MAGT1: variants seen among roughly 807,000 people sequenced by gnomAD.
MAGT1 encodes the protein magnesium transporter 1, also known as dolichyl-diphosphooligosaccharide--protein glycosyltransferase subunit MAGT1.
A neutral mutation model predicts 28.4 loss-of-function variants in MAGT1; 4 were observed. The observed-to-expected ratio is 0.14, with a 90% CI of 0.07 to 0.32. The LOEUF is 0.32. MAGT1 is among the 10% of genes least tolerant of loss of function. The pLI, the probability that MAGT1 is intolerant of heterozygous loss-of-function variation, is 1.00. For missense variants in MAGT1, 193 were observed against 264.5 expected (o/e 0.73, Z 1.88); for synonymous variants, 89 against 89.7 (o/e 0.99, Z 0.04).
At chrX:77,831,322 G>GATATGT (rs2076898143) in intron 8 of MAGT1, among the ~76,000 whole-genome samples, 1 of 110,914 alleles carries the variant, frequency 9.0e-6, no homozygotes, top group Non-Finnish European at 1.9e-5. Context: ...CGGCCTGGCA[G>GATATGT]TCTATACTTT....
chrX:77,874,488 C>T (rs1405104862), intron 2 of MAGT1, among the ~76,000 whole-genome samples: 3 of 105,196 alleles, frequency 2.9e-5, no homozygotes, highest in African/African-American at 6.9e-5. Flanking sequence ...ATCAGCTACT[C>T]GGGAGGCTGA....
At chrX:77,839,303 TAAC>T (rs201726756) in intron 8 of MAGT1, among the ~76,000 whole-genome samples, 213 of 105,418 alleles carry the variant, frequency 2.0e-3, no homozygotes, top group Non-Finnish European at 3.0e-3. Context: ...GACTCTGTCT[TAAC>T]AACAACAACA....
chrX:77,895,355 A>G lies in MAGT1; in HGVS notation c.56T>C (p.Leu19Pro). 8.2e-6 allele frequency: 10 copies of G among 1,212,132 alleles called. No individual in the cohort carries two copies. The highest frequency in any genetic ancestry group is 1.8e-5 in the South Asian group (1 of 57,010). The change falls in exon 1 of 10, where the codon CTC (leucine) becomes CCC (proline). Residue 19 changes from leucine to proline, a missense_variant. By Grantham distance (98) the Leu-to-Pro change is moderately conservative. Transcript: ENST00000618282. ...GGCTGAGGGAACGTCGCAAACGATG[A>G]GCAGCGCCACCACCATGGTCACAGA... is the stretch of plus-strand genomic sequence containing the variant. ...CVSVTMVVAL[L>P]IVCDVPSASA...
rs1557216086 is a variant in MAGT1, at chrX:77,857,338, A to G, written c.531+19T>C. ...GGGGATAATGGCCAAGAAACAGTCT[A>G]CATAGTTGGGAAACTTACATTGACA... On this transcript the variant is annotated intron_variant, in intron 4 of 9. Coordinates refer to ENST00000618282, the MANE Select transcript of MAGT1 (RefSeq NM_001367916.1). 7.4e-6 allele frequency: 9 copies of G among 1,211,331 alleles called. No individual in the cohort carries two copies. The South Asian group carries it at 1.1e-4, about 14-fold the overall frequency.
In MAGT1 at chrX:77,880,085, C is replaced by T. The variant is rs781784130; in HGVS notation, c.103-4488G>A. 1.0e-4 allele frequency among the ~76,000 whole-genome samples: 11 copies of T among 104,846 alleles called. No individual in the cohort carries two copies. The South Asian group carries it at 2.7e-3, about 26-fold the overall frequency. 91.0% of individuals were successfully genotyped at this position (104,846 alleles called of 115,157 possible). A position where few individuals can be genotyped will look rare whatever the true frequency, so the allele number is the denominator to read the frequency against. On this transcript the variant is annotated intron_variant, in intron 1 of 9. Coordinates refer to ENST00000618282, the MANE Select transcript of MAGT1 (RefSeq NM_001367916.1). ...AACTCCTGGCCTCAAATGATCCACC[C>T]GCCTCAGCCTCCCAAAGTGCTGGGA...
At chrX:77,834,903 C>T (rs1329344594) in intron 8 of MAGT1, among the ~76,000 whole-genome samples, 2 of 109,587 alleles carry the variant, frequency 1.8e-5, no homozygotes, top group Non-Finnish European at 3.8e-5. Flanking sequence ...ATAAAAGGAG[C>T]TCAAACAACT....
At chrX:77,844,350 T>C (rs2076944174) in intron 7 of MAGT1, among the ~76,000 whole-genome samples, 1 of 111,680 alleles carries the variant, frequency 9.0e-6, no homozygotes, top group South Asian at 3.7e-4. Context: ...TTCTTCTTTA[T>C]TAGTCTTGCT....
Position 77,838,192 on chromosome X carries a change from G to A in MAGT1, c.901+3054C>T, listed in dbSNP as rs367982100. On this transcript the variant is annotated intron_variant, in intron 8 of 9. Coordinates refer to ENST00000618282, the MANE Select transcript of MAGT1 (RefSeq NM_001367916.1). ...ATGCAGGCTGGGCATGGTGGCTCAC[G>A]CCTGTAATCTTAGCACTTTGGGAGG... 1.3e-4 allele frequency among the ~76,000 whole-genome samples: 15 copies of A among 111,958 alleles called. No homozygotes were observed. The East Asian group carries it at 2.5e-3, about 19-fold the overall frequency.
At chrX:77,855,740 G>C in intron 5 of MAGT1, 150 bp from the exon 6 acceptor site, 1 of 421,581 alleles carries the variant, frequency 2.4e-6, no homozygotes, top group Non-Finnish European at 4.1e-6. Flanking sequence ...TCATCCCAAG[G>C]ATCACAATTC....
intron 3 of MAGT1, among the ~76,000 whole-genome samples, chrX:77,862,656 A>C (rs2076997706): frequency 8.9e-6 from 1 of 111,770 alleles, no homozygotes; most frequent in African/African-American, 3.2e-5. Context: ...AAAATACTCA[A>C]CATCACTCAT....
At chrX:77,843,785 T>C (rs1011987361) in intron 7 of MAGT1, among the ~76,000 whole-genome samples, 4 of 112,041 alleles carry the variant, frequency 3.6e-5, no homozygotes, top group Non-Finnish European at 7.5e-5. Context: ...GCTGCACCCA[T>C]TAACTCGTCA....
At chrX:77,883,839 C>T (rs782463793) in intron 1 of MAGT1, among the ~76,000 whole-genome samples, 4 of 109,925 alleles carry the variant, frequency 3.6e-5, no homozygotes, top group African/African-American at 1.3e-4. Context: ...CACCTTGCCC[C>T]GACTGGGTTC....
At chrX:77,837,548 C>T (rs2076922808) in intron 8 of MAGT1, among the ~76,000 whole-genome samples, 1 of 110,834 alleles carries the variant, frequency 9.0e-6, no homozygotes, top group African/African-American at 3.3e-5. Context: ...CTCAAGCCAT[C>T]CTCCTGTCCC....
chrX:77,851,518 C>T (rs1414742072), intron 7 of MAGT1, among the ~76,000 whole-genome samples: 7 of 111,666 alleles, frequency 6.3e-5, no homozygotes, highest in African/African-American at 1.3e-4. Flanking sequence ...GGATTACAGG[C>T]GTGCACCACC....
chrX:77,866,610 C>T lies in MAGT1; in HGVS notation c.390+4198G>A, dbSNP rs782196872. Among the ~76,000 whole-genome samples the T allele has an allele frequency of 3.2e-3, 214 of 66,870 alleles. 16 individuals carry two copies. The highest frequency in any genetic ancestry group is 7.1e-3 in the African/African-American group (205 of 28,810). 58.1% of individuals were successfully genotyped at this position (66,870 alleles called of 115,157 possible). A position where few individuals can be genotyped will look rare whatever the true frequency, so the allele number is the denominator to read the frequency against. On this transcript the variant is annotated intron_variant, in intron 3 of 9. Transcript: ENST00000618282. ...CTGACTCCGACTTGGTTCTAACCTC[C>T]AAGCTGTCCTTGTTCATTCCTGGCC...
At chrX:77,848,743 C>T (rs1557215234) in intron 7 of MAGT1, among the ~76,000 whole-genome samples, 1 of 111,309 alleles carries the variant, frequency 9.0e-6, no homozygotes, top group East Asian at 2.8e-4. Flanking sequence ...TGAACATTTT[C>T]CAGACTGCTA....
intron 9 of MAGT1, among the ~76,000 whole-genome samples, chrX:77,829,753 C>T (rs1004835511): frequency 4.5e-5 from 5 of 111,149 alleles, no homozygotes; most frequent in South Asian, 7.4e-4. Context: ...AGTGCAGTGG[C>T]ACTCTATTTC....
At chrX:77,890,694 T>A (rs898568413) in intron 1 of MAGT1, among the ~76,000 whole-genome samples, 2 of 112,196 alleles carry the variant, frequency 1.8e-5, no homozygotes, top group African/African-American at 3.2e-5. Flanking sequence ...TCACTTTATT[T>A]TCTAACATTT....
chrX:77,881,073 A>G (rs1272779444), intron 1 of MAGT1, among the ~76,000 whole-genome samples: 1 of 109,759 alleles, frequency 9.1e-6, no homozygotes, highest in Non-Finnish European at 1.9e-5. Context: ...ATGAACCAGG[A>G]GGAAGATAGA....
Sources: gnomAD v4.1 joint callset for allele counts (sites outside exome capture counted in the v4.1 genomes callset) on GRCh38, gnomAD v4.1.1 for gene constraint, MANE v1.5 for transcripts, NCBI Gene and HGNC (gene_info 2026-07-23, HGNC 2026-07-21) for gene names.